Variants in SNX12 observed in about 807,000 individuals in gnomAD.
The protein encoded by SNX12 is sorting nexin 12.
For synonymous variants in SNX12, 47 were observed against 56.0 expected (o/e 0.84, Z 0.71); for missense variants, 62 against 141.3 (o/e 0.44, Z 2.84).
At chrX:71,072,355 G>A (rs1032603926), upstream of SNX12, among the ~76,000 whole-genome samples, 3 of 110,760 alleles carry the variant, frequency 2.7e-5, no homozygotes, top group Admixed American at 2.9e-4. Flanking sequence ...TGAAGACAAC[G>A]AATAAAAATG....
chrX:71,070,883 G>A (rs1052493159), upstream of SNX12, among the ~76,000 whole-genome samples: 3 of 111,050 alleles, frequency 2.7e-5, no homozygotes, highest in East Asian at 2.8e-4. Context: ...AGTCACAGAC[G>A]GCAGGGAGGG....
intron 1 of SNX12, among the ~76,000 whole-genome samples, chrX:71,064,642 T>C (rs2092144892): frequency 8.9e-6 from 1 of 112,628 alleles, no homozygotes. Flanking sequence ...ACTGAGAAGA[T>C]TCCCAAGGCT....
intron 1 of SNX12, among the ~76,000 whole-genome samples, chrX:71,065,892 T>C (rs1351328036): frequency 3.7e-5 from 4 of 108,695 alleles, no homozygotes; most frequent in African/African-American, 1.3e-4. Context: ...GGCAGGAGAA[T>C]CGCCTGAACC....
At chrX:71,064,846 C>T (rs1217226379) in intron 1 of SNX12, among the ~76,000 whole-genome samples, 1 of 112,972 alleles carries the variant, frequency 8.9e-6, no homozygotes, top group African/African-American at 3.2e-5. Flanking sequence ...AAGAGCAACT[C>T]GAAACTCCAT....
intron 2 of SNX12, among the ~76,000 whole-genome samples, 173 bp downstream of exon 2, chrX:71,062,681 C>A (rs1472275301): frequency 8.9e-6 from 1 of 112,024 alleles, no homozygotes; most frequent in Non-Finnish European, 1.9e-5. Context: ...CCAGAACTTA[C>A]CACTTTCAAG....
At chrX:71,065,664 C>T (rs1441180419) in intron 1 of SNX12, among the ~76,000 whole-genome samples, 3 of 111,282 alleles carry the variant, frequency 2.7e-5, no homozygotes, top group African/African-American at 6.5e-5. Flanking sequence ...ATTAGCCAGG[C>T]GTGGTGGTAC....
chrX:71,066,217 G>A (rs181874236), intron 1 of SNX12, among the ~76,000 whole-genome samples: 288 of 111,927 alleles, frequency 2.6e-3, no homozygotes, highest in Non-Finnish European at 3.8e-3. Context: ...AGTTCTGTAA[G>A]GATTAACACA....
Position 71,060,919 on chromosome X carries a change from TG to T in SNX12, c.*96del. On this transcript the variant is annotated 3_prime_UTR_variant, in exon 4 of 4. Transcript: ENST00000374274. ...CCAGACAGTCTATCAGGCCAGGAGA[TG>T]GGCAGCCAACTTCAGATCAAAGACA... 1 of 642,864 alleles carries T rather than the reference TG, an allele frequency of 1.6e-6. No homozygotes were observed. The highest frequency in any genetic ancestry group is 2.5e-6 in the Non-Finnish European group (1 of 401,114). The allele number at this position is 642,864 out of a possible 1,213,427, so 53.0% of individuals were successfully genotyped here. A position where few individuals can be genotyped will look rare whatever the true frequency, so the allele number is the denominator to read the frequency against.
At chrX:71,068,339 G>T (rs368500383), upstream of SNX12, 85 of 1,146,444 alleles carry the variant, frequency 7.4e-5, no homozygotes, top group Non-Finnish European at 9.5e-5. Flanking sequence ...CCGGGGAAAG[G>T]GGGTGGGGGA....
intron 2 of SNX12, among the ~76,000 whole-genome samples, chrX:71,062,508 G>A (rs933162454): frequency 3.1e-4 from 34 of 108,583 alleles, no homozygotes; most frequent in Admixed American, 9.8e-4. Flanking sequence ...AAGTAGCTGG[G>A]ATTACAGGCA....
At chrX:71,068,574 T>A (rs956208449), upstream of SNX12, 13 of 235,386 alleles carry the variant, frequency 5.5e-5, no homozygotes, top group Non-Finnish European at 9.8e-5. Flanking sequence ...GGAACCTGCA[T>A]CCCCAATACG....
At chrX:71,063,071 C>A (rs1162577272) in intron 1 of SNX12, 122 bp from the exon 2 acceptor site, 1 of 475,783 alleles carries the variant, frequency 2.1e-6, no homozygotes, top group African/African-American at 2.4e-5. Flanking sequence ...GCTCCTATAA[C>A]CCCTTCAAAT....
intron 3 of SNX12, among the ~76,000 whole-genome samples, chrX:71,061,523 A>G (rs1310007191): frequency 8.9e-6 from 1 of 112,084 alleles, no homozygotes; most frequent in Admixed American, 9.5e-5. Flanking sequence ...ACTTAAGGTC[A>G]GGAGTTCGAG....
chrX:71,072,354 C>G (rs1245863863), upstream of SNX12, among the ~76,000 whole-genome samples: 1 of 109,431 alleles, frequency 9.1e-6, no homozygotes, highest in Non-Finnish European at 1.9e-5. Context: ...CTGAAGACAA[C>G]GAATAAAAAT....
chrX:71,071,512 T>G (rs1357382973), upstream of SNX12, among the ~76,000 whole-genome samples: 82 of 52,896 alleles, frequency 1.6e-3, no homozygotes, highest in African/African-American at 9.5e-3. Flanking sequence ...TATTTATATA[T>G]TAATTTATAT....
In SNX12 at chrX:71,068,133, G is replaced by A; in HGVS notation, c.165+9C>T. On this transcript the variant is annotated intron_variant, in intron 1 of 3. Transcript: ENST00000374274. ...CTCCCTCAGCTGTCTCCCTCACCCC[G>A]TGACTCACCCGCATGCGAACCTCAT... The A allele has an allele frequency of 1.0e-6, 1 of 989,465 alleles. No homozygotes were observed. The highest frequency in any genetic ancestry group is 2.3e-5 in the South Asian group (1 of 44,068). The allele number at this position is 989,465 out of a possible 1,213,427, so 81.5% of individuals were successfully genotyped here. A position where few individuals can be genotyped will look rare whatever the true frequency, so the allele number is the denominator to read the frequency against.
rs867429326 is a variant in SNX12, at chrX:71,060,910, G to A, written c.*106C>T. On this transcript the variant is annotated 3_prime_UTR_variant, in exon 4 of 4. Transcript: ENST00000374274. ...AGCACAATGCCAGACAGTCTATCAGGCCAGGAGATGGGCAGCCAACTTCAG... is the reference window on the plus strand; with the variant it reads ...AGCACAATGCCAGACAGTCTATCAGACCAGGAGATGGGCAGCCAACTTCAG... 3 of 576,807 alleles carry A rather than the reference G, an allele frequency of 5.2e-6. No homozygotes were observed. The highest frequency in any genetic ancestry group is 2.6e-5 in the South Asian group (1 of 37,940). 47.5% of individuals were successfully genotyped at this position (576,807 alleles called of 1,213,427 possible). A position where few individuals can be genotyped will look rare whatever the true frequency, so the allele number is the denominator to read the frequency against.
At chrX:71,062,098 A>C in intron 2 of SNX12, 131 bp from the exon 3 acceptor site, 2 of 548,803 alleles carry the variant, frequency 3.6e-6, no homozygotes, top group Non-Finnish European at 5.6e-6. Flanking sequence ...ACTTGCAAGA[A>C]CTAAGACCAT....
Position 71,061,032 on chromosome X carries a change from C to T in SNX12, c.473G>A (p.Gly158Glu), listed in dbSNP as rs768987454. 1 of 1,207,317 alleles carries T rather than the reference C, an allele frequency of 8.3e-7. No homozygotes were observed. Among genetic ancestry groups the T allele is most frequent in the Non-Finnish European group, 1.1e-6 (1 of 892,578 alleles). Residue 158 changes from glycine (G) to glutamate (E), a missense_variant, in exon 4 of 4, where the codon GGG becomes GAG. Gly to Glu is a moderately conservative substitution (Grantham distance 98). Coordinates refer to ENST00000374274, the MANE Select transcript of SNX12 (RefSeq NM_013346.4). Reference sequence around the variant, plus strand: ...GAGGGGCTCCTACTGGCGCACCTTCCCCGGGACGTAGTTCCTGTCAATTGC... The same window carrying T: ...GAGGGGCTCCTACTGGCGCACCTTCTCCGGGACGTAGTTCCTGTCAATTGC... ...EEAIDRNYVP[G>E]KVRQ
Sources: allele counts gnomAD v4.1 joint callset (sites outside exome capture counted in the v4.1 genomes callset), GRCh38; gene constraint gnomAD v4.1.1; transcripts MANE v1.5; gene names NCBI Gene and HGNC (gene_info 2026-07-23, HGNC 2026-07-21).